CNTNAP5: variants seen among roughly 807,000 people sequenced by gnomAD.
The protein encoded by CNTNAP5 is contactin associated protein family member 5, also known as contactin-associated protein-like 5.
In CNTNAP5, 72 loss-of-function variants were observed where a neutral mutation model predicts 150.2. The observed-to-expected ratio is 0.48, with a 90% confidence interval of 0.40 to 0.58. CNTNAP5 has a LOEUF of 0.58. Ranked by LOEUF, CNTNAP5 falls within the 20% of genes least tolerant of loss-of-function variation. The probability of loss-of-function intolerance (pLI) is 0.00; values close to 1 mark genes in which losing one functional copy is unlikely to be tolerated. For synonymous variants in CNTNAP5, 672 were observed against 619.8 expected (o/e 1.08, Z -1.25); for missense variants, 1,636 against 1,626.2 (o/e 1.01, Z -0.10).
chr2:124,307,037 A>G (rs1227240369), intron 3 of CNTNAP5, among the ~76,000 whole-genome samples: 2 of 152,008 alleles, frequency 1.3e-5, no homozygotes, highest in African/African-American at 2.4e-5. Context: ...CTGGTTTCCC[A>G]TCTAATTCTC....
chr2:124,770,158 G>A (rs934694530), intron 16 of CNTNAP5, among the ~76,000 whole-genome samples: 7 of 152,130 alleles, frequency 4.6e-5, no homozygotes, highest in South Asian at 2.1e-4. Context: ...TTGCAGAATG[G>A]CATTTAGTAT....
intron 13 of CNTNAP5, among the ~76,000 whole-genome samples, chr2:124,655,114 A>G (rs1678414176): frequency 6.6e-6 from 1 of 152,002 alleles, no homozygotes; most frequent in Non-Finnish European, 1.5e-5. Context: ...AGCATGCATT[A>G]GGTATTTGTC....
At chr2:124,095,280 C>T (rs536738645) in intron 1 of CNTNAP5, among the ~76,000 whole-genome samples, 12 of 152,038 alleles carry the variant, frequency 7.9e-5, no homozygotes, top group African/African-American at 1.9e-4. Flanking sequence ...CAGTCATAAG[C>T]GGGAGTTGAA....
chr2:124,841,629 T>C (rs545853599), intron 19 of CNTNAP5, among the ~76,000 whole-genome samples: 4 of 152,272 alleles, frequency 2.6e-5, no homozygotes, highest in Admixed American at 6.5e-5. Context: ...AATAGTCTGC[T>C]TATTGTTATG....
At chr2:124,460,938 T>A (rs1380248998) in intron 6 of CNTNAP5, among the ~76,000 whole-genome samples, 1 of 151,444 alleles carries the variant, frequency 6.6e-6, no homozygotes, top group Non-Finnish European at 1.5e-5. Flanking sequence ...CTGAAAAAAA[T>A]AAAGAAAAAG....
At chr2:124,488,150 C>T (rs778454491) in intron 7 of CNTNAP5, among the ~76,000 whole-genome samples, 8 of 152,038 alleles carry the variant, frequency 5.3e-5, no homozygotes, top group Admixed American at 2.0e-4. Context: ...AAAGAAGTCA[C>T]CCGCAATTTT....
At chr2:124,897,347 TA>T (rs1211179964) in intron 21 of CNTNAP5, among the ~76,000 whole-genome samples, 1 of 151,590 alleles carries the variant, frequency 6.6e-6, no homozygotes, top group Non-Finnish European at 1.5e-5. Flanking sequence ...GCTGGTCTGC[TA>T]AATTAATCCA....
At chr2:124,687,348 C>G (rs1173510491) in intron 13 of CNTNAP5, among the ~76,000 whole-genome samples, 1 of 151,978 alleles carries the variant, frequency 6.6e-6, no homozygotes, top group African/African-American at 2.4e-5. Context: ...CCCAATTTAT[C>G]TAGATGACTG....
chr2:124,717,954 A>T (rs906238857), intron 13 of CNTNAP5, among the ~76,000 whole-genome samples: 4 of 151,936 alleles, frequency 2.6e-5, no homozygotes, highest in African/African-American at 9.7e-5. Flanking sequence ...CCTGAAGTCC[A>T]AATTGCTTGC....
Position 124,720,963 on chromosome 2 carries a change from T to C in CNTNAP5, c.2078-26266T>C, listed in dbSNP as rs531402879. 3.3e-5 allele frequency among the ~76,000 whole-genome samples: 5 copies of C among 152,292 alleles called. No homozygotes were observed. In the East Asian group the frequency reaches 9.7e-4, roughly 29 times the overall value. The stretch of plus-strand genomic sequence containing the variant: ...TTGTTTTCTTTACTATGAACCTAAA[T>C]AATGCTGGTCCATGCTCTTTGGCAC... On this transcript the variant is annotated intron_variant, in intron 13 of 23. Coordinates refer to ENST00000682447, the MANE Select transcript of CNTNAP5 (RefSeq NM_001367498.1).
At chr2:124,314,862 A>G (rs1184216563) in intron 3 of CNTNAP5, among the ~76,000 whole-genome samples, 1 of 152,170 alleles carries the variant, frequency 6.6e-6, no homozygotes, top group Non-Finnish European at 1.5e-5. Flanking sequence ...AATATCATTA[A>G]TTACATGGTC....
intron 3 of CNTNAP5, among the ~76,000 whole-genome samples, chr2:124,290,422 C>T (rs1484847200): frequency 6.6e-6 from 1 of 152,152 alleles, no homozygotes; most frequent in Non-Finnish European, 1.5e-5. Flanking sequence ...CTACTCTGAA[C>T]ATGGATCTTT....
intron 3 of CNTNAP5, among the ~76,000 whole-genome samples, chr2:124,298,680 C>T: frequency 6.6e-6 from 1 of 152,002 alleles, no homozygotes; most frequent in South Asian, 2.1e-4. Flanking sequence ...TTGTGGAGGC[C>T]TTGGGAGTTC....
intron 13 of CNTNAP5, among the ~76,000 whole-genome samples, chr2:124,677,422 A>G (rs1013734882): frequency 1.3e-5 from 2 of 152,202 alleles, no homozygotes; most frequent in Non-Finnish European, 2.9e-5. Context: ...AGGGGACCTG[A>G]GCAGGTTGCT....
At chr2:124,048,961 T>C (rs913826601) in intron 1 of CNTNAP5, among the ~76,000 whole-genome samples, 1 of 152,222 alleles carries the variant, frequency 6.6e-6, no homozygotes, top group African/African-American at 2.4e-5. Flanking sequence ...TTTTCTTTCT[T>C]TAATGGCAAT....
chr2:124,308,478 T>G (rs1470558867), intron 3 of CNTNAP5, among the ~76,000 whole-genome samples: 1 of 152,240 alleles, frequency 6.6e-6, no homozygotes, highest in Non-Finnish European at 1.5e-5. Context: ...CTATTTTATG[T>G]AACAAGCTGA....
chr2:124,290,578 G>C (rs1422817701), intron 3 of CNTNAP5, among the ~76,000 whole-genome samples: 2 of 152,082 alleles, frequency 1.3e-5, no homozygotes, highest in Admixed American at 1.3e-4. Context: ...CTTTGTTTAG[G>C]CAAGTCCTAG....
intron 1 of CNTNAP5, among the ~76,000 whole-genome samples, chr2:124,077,864 G>C (rs1301119249): frequency 6.6e-6 from 1 of 152,156 alleles, no homozygotes; most frequent in African/African-American, 2.4e-5. Context: ...GATTCAAACT[G>C]AGAACTATTC....
chr2:124,690,679 AC>A (rs1398301672), intron 13 of CNTNAP5, among the ~76,000 whole-genome samples: 5 of 151,930 alleles, frequency 3.3e-5, no homozygotes, highest in African/African-American at 1.2e-4. Context: ...TAGCCTCTTC[AC>A]ATTTTCACAC....
Sources: allele counts gnomAD v4.1 joint callset (sites outside exome capture counted in the v4.1 genomes callset), GRCh38; gene constraint gnomAD v4.1.1; transcripts MANE v1.5; gene names NCBI Gene and HGNC (gene_info 2026-07-23, HGNC 2026-07-21).